Variants in C12orf50 observed in about 807,000 individuals in gnomAD.
C12orf50 encodes the protein zinc finger CCCH-type containing 11D.
In C12orf50, 35 loss-of-function variants were observed where a neutral mutation model predicts 61.6. That is an observed-to-expected ratio of 0.57 (90% CI 0.43 to 0.75). C12orf50 has a LOEUF of 0.75. C12orf50 is among the 30% of genes least tolerant of loss of function. C12orf50 has a pLI of 0.00. For missense variants in C12orf50, 475 were observed against 488.5 expected (o/e 0.97, Z 0.26); for synonymous variants, 178 against 161.5 (o/e 1.10, Z -0.77).
At chr12:88,018,595 C>A (rs1398507567) in intron 3 of C12orf50, among the ~76,000 whole-genome samples, 2 of 152,212 alleles carry the variant, frequency 1.3e-5, no homozygotes, top group African/African-American at 2.4e-5. Flanking sequence ...TCACTGACAG[C>A]TTGCACCGTG....
At chr12:88,012,150 T>A (rs1446319829) in intron 3 of C12orf50, among the ~76,000 whole-genome samples, 1 of 152,228 alleles carries the variant, frequency 6.6e-6, no homozygotes, top group African/African-American at 2.4e-5. Context: ...CCACTCTTTA[T>A]GACCAAGGGA....
chr12:88,012,942 T>G (rs866244743), intron 3 of C12orf50, among the ~76,000 whole-genome samples: 1 of 152,030 alleles, frequency 6.6e-6, no homozygotes, highest in Admixed American at 6.5e-5. Flanking sequence ...CATGAGCCTG[T>G]GGTCCCAGCT....
chr12:88,024,931 G>A (rs2136502689), intron 3 of C12orf50, among the ~76,000 whole-genome samples: 1 of 152,250 alleles, frequency 6.6e-6, no homozygotes, highest in Middle Eastern at 3.4e-3. Flanking sequence ...TTAATAATGT[G>A]TATGTGACAG....
chr12:88,026,693 C>T (rs982636721), intron 2 of C12orf50, 85 bp from the exon 3 acceptor site: 1 of 1,500,578 alleles, frequency 6.7e-7, no homozygotes, highest in African/African-American at 1.4e-5. Flanking sequence ...AGCACAAGGA[C>T]ACAAAAACAA....
intron 8 of C12orf50, among the ~76,000 whole-genome samples, chr12:87,988,947 C>T (rs568140789): frequency 8.5e-5 from 13 of 152,120 alleles, no homozygotes; most frequent in African/African-American, 1.4e-4. Context: ...TCACAAACAA[C>T]GTTTTCTAAC....
chr12:88,000,468 G>A (rs1206458918), intron 3 of C12orf50, among the ~76,000 whole-genome samples: 9 of 151,862 alleles, frequency 5.9e-5, no homozygotes, highest in Non-Finnish European at 1.2e-4. Context: ...TTGAAATCAG[G>A]AAGTGTAAGT....
chr12:88,028,158 G>A (rs1361310724), intron 1 of C12orf50, among the ~76,000 whole-genome samples: 2 of 152,086 alleles, frequency 1.3e-5, no homozygotes, highest in Non-Finnish European at 2.9e-5. Context: ...TTATTTACTG[G>A]TAACTTACTC....
At position 88,020,251 on chromosome 12, in the gene C12orf50, G is replaced by A. The variant is rs559975742; in HGVS notation, c.133+6237C>T. On this transcript the variant is annotated intron_variant, in intron 3 of 12. Transcript: ENST00000298699. ...TTAAAAGGCACAGAGTTGCAAGCTC[G>A]ATAAAGAAGCAAGACCCACTAACAT... is the stretch of plus-strand genomic sequence containing the variant. Among the ~76,000 whole-genome samples the A allele has an allele frequency of 4.6e-5, 7 of 152,232 alleles. No homozygotes were observed. In the South Asian group the frequency reaches 1.0e-3, roughly 23 times the overall value.
At chr12:88,025,389 A>T (rs936673422) in intron 3 of C12orf50, among the ~76,000 whole-genome samples, 1 of 152,124 alleles carries the variant, frequency 6.6e-6, no homozygotes, top group African/African-American at 2.4e-5. Context: ...CGTAAGACAT[A>T]AAGTCATCAT....
chr12:87,980,562 G>A (rs543424997), intron 12 of C12orf50, among the ~76,000 whole-genome samples: 1 of 152,214 alleles, frequency 6.6e-6, no homozygotes, highest in South Asian at 2.1e-4. Context: ...TGGAGGGGTG[G>A]AAAAGAATGG....
At chr12:88,027,122 T>C (rs1208637680) in intron 1 of C12orf50, 52 bp from the exon 2 acceptor site, 14 of 1,513,282 alleles carry the variant, frequency 9.3e-6, no homozygotes, top group Non-Finnish European at 1.1e-5. Context: ...ACATTAGTGT[T>C]CAACAACAAT....
At chr12:87,983,059 T>G in intron 12 of C12orf50, 44 bp downstream of exon 12, 1 of 1,202,356 alleles carries the variant, frequency 8.3e-7, no homozygotes, top group Non-Finnish European at 1.2e-6. Flanking sequence ...ACTTATTCAT[T>G]TTCAGAATTG....
Position 88,029,347 on chromosome 12 carries a change from A to G in C12orf50, c.-116T>C, listed in dbSNP as rs925708131. The stretch of plus-strand genomic sequence containing the variant: ...ATTTAAATTAGAAGATACCTTCTCT[A>G]GCTTTGCAGAAACGCTGAAAGTGGT... On this transcript the variant is annotated 5_prime_UTR_variant, in exon 1 of 13. Transcript: ENST00000298699. 47 of 177,530 alleles carry G rather than the reference A, an allele frequency of 2.6e-4. No homozygotes were observed. The highest frequency in any genetic ancestry group is 1.0e-3 in the African/African-American group (44 of 41,938). 11.0% of individuals were successfully genotyped at this position (177,530 alleles called of 1,614,324 possible).
chr12:88,020,793 A>T (rs2032487559), intron 3 of C12orf50, among the ~76,000 whole-genome samples: 3 of 151,172 alleles, frequency 2.0e-5, no homozygotes, highest in African/African-American at 7.3e-5. Flanking sequence ...GACATAAAAC[A>T]ATACTCAGCA....
At chr12:87,986,092 G>A in intron 10 of C12orf50, 39 bp from the exon 11 acceptor site, 1 of 1,591,030 alleles carries the variant, frequency 6.3e-7, no homozygotes, top group Non-Finnish European at 8.6e-7. Flanking sequence ...AATAAAACAG[G>A]CTGGTTTCAC....
At chr12:88,028,716 C>G (rs1445331154) in intron 1 of C12orf50, among the ~76,000 whole-genome samples, 1 of 152,016 alleles carries the variant, frequency 6.6e-6, no homozygotes, top group Non-Finnish European at 1.5e-5. Context: ...ATCATATTAA[C>G]TAAAACAATA....
In C12orf50 at chr12:87,986,532, T is replaced by G. The variant is rs2030835278; in HGVS notation, c.818-116A>C. The G allele has an allele frequency of 9.2e-6, 6 of 649,848 alleles. No homozygotes were observed. In the South Asian group the frequency reaches 1.4e-4, roughly 16 times the overall value. 40.3% of individuals were successfully genotyped at this position (649,848 alleles called of 1,614,324 possible). A position where few individuals can be genotyped will look rare whatever the true frequency, so the allele number is the denominator to read the frequency against. On this transcript the variant is annotated intron_variant, in intron 9 of 12. Transcript: ENST00000298699. Reference sequence around the variant, plus strand: ...ATGTCAAGCAAGAGGAAAAAATAAATGCACCATCCTAACACTTTACTTTTT... The same window carrying G: ...ATGTCAAGCAAGAGGAAAAAATAAAGGCACCATCCTAACACTTTACTTTTT...
At chr12:87,981,443 C>A (rs2030464249) in intron 12 of C12orf50, among the ~76,000 whole-genome samples, 1 of 152,112 alleles carries the variant, frequency 6.6e-6, no homozygotes. Context: ...TGTTAAAATG[C>A]AGATTCTGAT....
chr12:87,994,670 C>A lies in C12orf50; in HGVS notation c.555G>T (p.Gly185=). 6.2e-7 allele frequency: 1 copy of A among 1,613,246 alleles called. No homozygotes were observed. Among genetic ancestry groups the A allele is most frequent in the Non-Finnish European group, 8.5e-7 (1 of 1,179,478 alleles). The change falls in exon 7 of 13, where the codon GGG becomes GGT. Residue 185 remains glycine (G), a synonymous_variant. Transcript: ENST00000298699. Reference sequence around the variant, plus strand: ...AAGCAGCAATGTCAGTCTTTGGTTTCCCATGCAATGATGTTTTTATTTCAC... The same window carrying A: ...AAGCAGCAATGTCAGTCTTTGGTTTACCATGCAATGATGTTTTTATTTCAC... The part of the protein sequence containing the change: ...RQGEIKTSLH[G]KPKTDIAAFE...
Sources: gnomAD v4.1 joint callset for allele counts (sites outside exome capture counted in the v4.1 genomes callset) on GRCh38, gnomAD v4.1.1 for gene constraint, MANE v1.5 for transcripts, NCBI Gene and HGNC (gene_info 2026-07-23, HGNC 2026-07-21) for gene names.